The following SEZ6L variants were observed in gnomAD, a reference collection of about 807,000 sequenced individuals.
SEZ6L encodes the protein seizure 6-like protein.
A neutral mutation model predicts 106.2 loss-of-function variants in SEZ6L; 37 were observed. The observed-to-expected ratio is 0.35, with a 90% CI of 0.27 to 0.46. SEZ6L has a LOEUF of 0.46. SEZ6L is among the 20% of genes least tolerant of loss of function. The probability of loss-of-function intolerance (pLI) is 1.00; values close to 1 mark genes in which losing one functional copy is unlikely to be tolerated. For missense variants in SEZ6L, 1,172 were observed against 1,332.8 expected, an observed-to-expected ratio of 0.88 and a Z score of 1.88; for synonymous variants, 541 against 570.4, an observed-to-expected ratio of 0.95 and a Z score of 0.73.
intron 1 of SEZ6L, among the ~76,000 whole-genome samples, chr22:26,201,925 T>C (rs982899995): frequency 6.6e-5 from 10 of 152,176 alleles, no homozygotes; most frequent in African/African-American, 1.4e-4. Flanking sequence ...TGTTTGTTTG[T>C]TTGCTTGAGA....
intron 1 of SEZ6L, among the ~76,000 whole-genome samples, chr22:26,221,198 T>G (rs749283822): frequency 2.6e-5 from 4 of 152,114 alleles, no homozygotes; most frequent in Non-Finnish European, 4.4e-5. Flanking sequence ...CACCTGACCT[T>G]CCCTTCATCC....
intron 13 of SEZ6L, among the ~76,000 whole-genome samples, chr22:26,366,135 C>A (rs1356257957): frequency 6.6e-6 from 1 of 152,012 alleles, no homozygotes; most frequent in African/African-American, 2.4e-5. Flanking sequence ...AGTTCAAGAC[C>A]AGCCTGACCA....
intron 1 of SEZ6L, among the ~76,000 whole-genome samples, chr22:26,176,094 T>C (rs1421892231): frequency 6.6e-6 from 1 of 152,206 alleles, no homozygotes; most frequent in African/African-American, 2.4e-5. Context: ...TCTTTGTGCT[T>C]TTCCTGTATT....
chr22:26,332,175 G>C (rs1412184685), intron 9 of SEZ6L, among the ~76,000 whole-genome samples: 1 of 142,098 alleles, frequency 7.0e-6, no homozygotes, highest in Middle Eastern at 3.5e-3. Flanking sequence ...TTTGAGACAG[G>C]GTCTCGCTCT....
chr22:26,296,715 G>A (rs1440356204), intron 3 of SEZ6L, among the ~76,000 whole-genome samples, 173 bp from the exon 4 acceptor site: 1 of 152,256 alleles, frequency 6.6e-6, no homozygotes, highest in African/African-American at 2.4e-5. Context: ...GGGAAATTAG[G>A]GGGACCTTGA....
intron 1 of SEZ6L, among the ~76,000 whole-genome samples, chr22:26,177,483 TCAAAG>T (rs1285300249): frequency 2.0e-5 from 3 of 152,216 alleles, no homozygotes; most frequent in African/African-American, 7.2e-5. Context: ...TAAGCTCATT[TCAAAG>T]CAGAAACCTT....
chr22:26,230,879 G>C lies in SEZ6L; in HGVS notation c.94+61116G>C, dbSNP rs5761425. The stretch of plus-strand genomic sequence containing the variant: ...AGCAGCTGAAGTATAGTGAGCCATG[G>C]GGAGGCTGATTATTGACGAGGCCAG... On this transcript the variant is annotated intron_variant, in intron 1 of 16. Transcript: ENST00000248933. 5.5e-3 allele frequency among the ~76,000 whole-genome samples: 837 copies of C among 152,330 alleles called. 38 individuals are homozygous for C. In the East Asian group the frequency reaches 0.097, roughly 18 times the overall value.
At chr22:26,316,888 GAA>G (rs1491455955) in intron 9 of SEZ6L, among the ~76,000 whole-genome samples, 2 of 122,242 alleles carry the variant, frequency 1.6e-5, no homozygotes, top group African/African-American at 6.3e-5. Flanking sequence ...AAGAAAGAAA[GAA>G]AGAGAAAGAA....
intron 9 of SEZ6L, among the ~76,000 whole-genome samples, chr22:26,325,830 C>A (rs552638767): frequency 6.6e-6 from 1 of 152,120 alleles, no homozygotes; most frequent in Non-Finnish European, 1.5e-5. Flanking sequence ...ACATTACACA[C>A]ACTCAACAAT....
chr22:26,244,575 T>C (rs1021332118), intron 1 of SEZ6L: 2 of 152,318 alleles, frequency 1.3e-5, no homozygotes, highest in East Asian at 3.9e-4. Flanking sequence ...TTGAGCGCTC[T>C]AAGGATAGGA....
chr22:26,315,127 AAG>A (rs1366408576), intron 9 of SEZ6L, among the ~76,000 whole-genome samples: 3 of 152,188 alleles, frequency 2.0e-5, no homozygotes, highest in African/African-American at 2.4e-5. Flanking sequence ...TTGCAAGAGA[AAG>A]AGAAATTATT....
chr22:26,343,353 C>G (rs1380887631), intron 10 of SEZ6L, among the ~76,000 whole-genome samples: 3 of 150,494 alleles, frequency 2.0e-5, no homozygotes, highest in Non-Finnish European at 4.4e-5. Flanking sequence ...CTGACTGACT[C>G]TATCCAAGGC....
At chr22:26,252,955 G>A (rs960376736) in intron 1 of SEZ6L, among the ~76,000 whole-genome samples, 1 of 152,186 alleles carries the variant, frequency 6.6e-6, no homozygotes, top group African/African-American at 2.4e-5. Flanking sequence ...GGATTGCTAG[G>A]TCGAATTGTA....
chr22:26,285,939 C>T (rs934852985), intron 1 of SEZ6L, among the ~76,000 whole-genome samples: 5 of 152,172 alleles, frequency 3.3e-5, no homozygotes, highest in African/African-American at 4.8e-5. Flanking sequence ...AGTTTGTAAC[C>T]GTGATCTCCA....
intron 1 of SEZ6L, among the ~76,000 whole-genome samples, chr22:26,219,311 A>G (rs1054671220): frequency 6.6e-6 from 1 of 151,022 alleles, no homozygotes; most frequent in South Asian, 2.1e-4. Flanking sequence ...GTAGGAAGAA[A>G]ACAACCCCAC....
chr22:26,317,643 C>T (rs1331271264), intron 9 of SEZ6L, among the ~76,000 whole-genome samples: 1 of 152,052 alleles, frequency 6.6e-6, no homozygotes, highest in Non-Finnish European at 1.5e-5. Flanking sequence ...TGCAATGGAG[C>T]AGCCGATCCG....
chr22:26,249,689 T>C (rs2079502159), intron 1 of SEZ6L, among the ~76,000 whole-genome samples: 1 of 152,332 alleles, frequency 6.6e-6, no homozygotes, highest in East Asian at 1.9e-4. Context: ...TTTGGATATA[T>C]ACCTGAGAGT....
At chr22:26,170,265 C>T (rs1938495123) in intron 1 of SEZ6L, among the ~76,000 whole-genome samples, 1 of 151,988 alleles carries the variant, frequency 6.6e-6, no homozygotes, top group African/African-American at 2.4e-5. Flanking sequence ...TTGGTTCAGG[C>T]TACCCCGAGG....
chr22:26,333,716 C>T (rs2082558979), intron 9 of SEZ6L, among the ~76,000 whole-genome samples: 1 of 152,116 alleles, frequency 6.6e-6, no homozygotes, highest in African/African-American at 2.4e-5. Flanking sequence ...AGATGAGCAT[C>T]CCCAGACCAA....
Sources: allele counts gnomAD v4.1 joint callset (sites outside exome capture counted in the v4.1 genomes callset), GRCh38; gene constraint gnomAD v4.1.1; transcripts MANE v1.5; gene names NCBI Gene and HGNC (gene_info 2026-07-23, HGNC 2026-07-21).